The following TNIK variants were observed in gnomAD, a reference collection of about 807,000 sequenced individuals.
TNIK encodes TRAF2 and NCK interacting kinase.
Under a neutral mutation model 191.3 loss-of-function variants are expected in TNIK, and 49 were observed. That is an observed-to-expected ratio of 0.26 (90% CI 0.20 to 0.32). The LOEUF is 0.32. TNIK is among the 10% of genes least tolerant of loss of function. The pLI is 1.00. For synonymous variants in TNIK, 594 were observed against 600.9 expected (o/e 0.99, Z 0.17); for missense variants, 1,155 against 1,702.3 (o/e 0.68, Z 5.66).
chr3:171,277,665 A>G (rs1289860079), intron 2 of TNIK, among the ~76,000 whole-genome samples: 3 of 151,972 alleles, frequency 2.0e-5, no homozygotes, highest in African/African-American at 7.2e-5. Flanking sequence ...TGAAGTTTTA[A>G]TGGAACACAG....
chr3:171,428,330 G>C (rs1189467426), intron 1 of TNIK, among the ~76,000 whole-genome samples: 1 of 152,174 alleles, frequency 6.6e-6, no homozygotes, highest in Non-Finnish European at 1.5e-5. Context: ...GATCAGTGCA[G>C]AGAAAGAGAG....
intron 2 of TNIK, among the ~76,000 whole-genome samples, chr3:171,358,525 A>G (rs979268665): frequency 2.0e-5 from 3 of 152,214 alleles, no homozygotes; most frequent in African/African-American, 7.2e-5. Context: ...ACCGGGGATT[A>G]TTACAATTCA....
intron 7 of TNIK, among the ~76,000 whole-genome samples, chr3:171,188,390 C>G (rs1737629132): frequency 1.3e-5 from 2 of 152,142 alleles, no homozygotes; most frequent in African/African-American, 4.8e-5. Context: ...TTCCAAAAAT[C>G]TAAACCATAA....
intron 2 of TNIK, among the ~76,000 whole-genome samples, chr3:171,267,402 T>C (rs1489525581): frequency 6.6e-6 from 1 of 152,170 alleles, no homozygotes; most frequent in African/African-American, 2.4e-5. Flanking sequence ...GCAAAGGGAA[T>C]ATACTTAATT....
chr3:171,454,671 A>G (rs1216003336), intron 1 of TNIK, among the ~76,000 whole-genome samples: 4 of 152,264 alleles, frequency 2.6e-5, no homozygotes, highest in East Asian at 1.9e-4. Flanking sequence ...AATAAAAAGA[A>G]TATCTAATGA....
intron 1 of TNIK, among the ~76,000 whole-genome samples, chr3:171,418,025 A>T (rs1193468253): frequency 6.6e-6 from 1 of 152,202 alleles, no homozygotes; most frequent in Non-Finnish European, 1.5e-5. Context: ...GTCTGGGTCC[A>T]GCCATGACCC....
intron 3 of TNIK, chr3:171,225,467 C>T (rs1742853938): frequency 2.3e-6 from 1 of 427,158 alleles, no homozygotes; most frequent in South Asian, 1.7e-5. Context: ...AGAATTAAGC[C>T]TAAATACTAT....
At chr3:171,291,042 G>C (rs770189581) in intron 2 of TNIK, among the ~76,000 whole-genome samples, 3 of 151,554 alleles carry the variant, frequency 2.0e-5, no homozygotes, top group Non-Finnish European at 2.9e-5. Context: ...TATTTTTTTA[G>C]TGTTGTTTTA....
intron 2 of TNIK, among the ~76,000 whole-genome samples, chr3:171,292,893 G>C (rs1190343388): frequency 6.6e-6 from 1 of 151,592 alleles, no homozygotes; most frequent in East Asian, 1.9e-4. Context: ...CTCGCCAATG[G>C]CCACAGGCTC....
At chr3:171,276,110 A>C (rs1749710576) in intron 2 of TNIK, among the ~76,000 whole-genome samples, 3 of 152,134 alleles carry the variant, frequency 2.0e-5, no homozygotes, top group Admixed American at 2.0e-4. Context: ...AAGGAGCTGG[A>C]CGAAAATAAT....
chr3:171,101,388 G>T, intron 22 of TNIK, 61 bp downstream of exon 22: 2 of 1,509,256 alleles, frequency 1.3e-6, no homozygotes, highest in African/African-American at 1.4e-5. Flanking sequence ...ATATTTTTTT[G>T]TCCTTTTATT....
chr3:171,274,613 A>T (rs1749502866), intron 2 of TNIK, among the ~76,000 whole-genome samples: 1 of 152,244 alleles, frequency 6.6e-6, no homozygotes, highest in Non-Finnish European at 1.5e-5. Context: ...TTAAATTGGC[A>T]GGCCAACATA....
At chr3:171,338,666 T>G (rs1047978177) in intron 2 of TNIK, among the ~76,000 whole-genome samples, 1 of 151,478 alleles carries the variant, frequency 6.6e-6, no homozygotes, top group Admixed American at 6.6e-5. Flanking sequence ...GTTGTTTTTT[T>G]TTTTTTTTTT....
In TNIK at chr3:171,063,715, T is replaced by G; in HGVS notation, c.*166A>C. ...TCTCCTTCTCAACCAGGCTGCAACA[T>G]TGAAAGATGGACTGTACTGGGAGGG... is the stretch of plus-strand genomic sequence containing the variant. On this transcript the variant is annotated 3_prime_UTR_variant, in exon 33 of 33. Coordinates refer to ENST00000436636, the MANE Select transcript of TNIK (RefSeq NM_015028.4). The G allele has an allele frequency of 1.7e-6, 1 of 573,918 alleles. No individual in the cohort carries two copies. Among genetic ancestry groups the G allele is most frequent in the Non-Finnish European group, 2.9e-6 (1 of 341,678 alleles). The allele number at this position is 573,918 out of a possible 1,614,324, so 35.6% of individuals were successfully genotyped here.
At chr3:171,270,568 G>A (rs953867316) in intron 2 of TNIK, among the ~76,000 whole-genome samples, 1 of 152,028 alleles carries the variant, frequency 6.6e-6, no homozygotes, top group East Asian at 1.9e-4. Context: ...GTCTCTAATC[G>A]CCAACTATCT....
intron 7 of TNIK, among the ~76,000 whole-genome samples, chr3:171,188,452 T>TA (rs1737633503): frequency 6.6e-6 from 1 of 152,170 alleles, no homozygotes; most frequent in African/African-American, 2.4e-5. Flanking sequence ...AGAGTAAATT[T>TA]AAAAAAATAT....
Position 171,252,457 on chromosome 3 carries a change from C to T in TNIK, c.124-24236G>A, listed in dbSNP as rs1006009387. ...ACCCCAAAAACTCATATCGTGTGCA[C>T]GACATTATATCTGAAAGTGTCATAA... On this transcript the variant is annotated intron_variant, in intron 2 of 32. Transcript: ENST00000436636. Among the ~76,000 whole-genome samples, 4 of 152,074 alleles carry T rather than the reference C, an allele frequency of 2.6e-5. No homozygotes were observed. The South Asian group carries it at 6.2e-4, about 24-fold the overall frequency.
At chr3:171,408,080 T>C (rs1322245704) in intron 1 of TNIK, among the ~76,000 whole-genome samples, 1 of 152,174 alleles carries the variant, frequency 6.6e-6, no homozygotes, top group African/African-American at 2.4e-5. Flanking sequence ...CATAACAAGA[T>C]ATAATTTCCA....
At chr3:171,322,111 T>G (rs911652914) in intron 2 of TNIK, among the ~76,000 whole-genome samples, 9 of 152,292 alleles carry the variant, frequency 5.9e-5, no homozygotes, top group African/African-American at 1.7e-4. Flanking sequence ...CTATTTTTAC[T>G]CCTACAAAAC....
Sources: allele counts gnomAD v4.1 joint callset (sites outside exome capture counted in the v4.1 genomes callset), GRCh38; gene constraint gnomAD v4.1.1; transcripts MANE v1.5; gene names NCBI Gene and HGNC (gene_info 2026-07-23, HGNC 2026-07-21).